RASAL1: variants seen among roughly 807,000 people sequenced by gnomAD.
The protein encoded by RASAL1 is rasGAP-activating-like protein 1.
In RASAL1, 72 loss-of-function variants were observed where a neutral mutation model predicts 96.6. That is an observed-to-expected ratio of 0.75 (90% CI 0.62 to 0.91). RASAL1 has a LOEUF of 0.91. Among genes scored for constraint, RASAL1 ranks in the 40% least tolerant of loss-of-function variants. The probability of loss-of-function intolerance (pLI) is 0.00; values close to 1 mark genes in which losing one functional copy is unlikely to be tolerated. For synonymous variants in RASAL1, 405 were observed against 430.4 expected (o/e 0.94, Z 0.73); for missense variants, 1,016 against 1,072.5 (o/e 0.95, Z 0.74).
chr12:113,102,481 C>T (rs181183595), intron 18 of RASAL1, among the ~76,000 whole-genome samples: 1 of 152,322 alleles, frequency 6.6e-6, no homozygotes, highest in African/African-American at 2.4e-5. Flanking sequence ...TCTCTTGAAC[C>T]TGGGAGGCAC....
At chr12:113,113,535 CCTT>C (rs1308984763) in intron 12 of RASAL1, among the ~76,000 whole-genome samples, 1 of 152,168 alleles carries the variant, frequency 6.6e-6, no homozygotes, top group African/African-American at 2.4e-5. Flanking sequence ...TGGACTGTGT[CCTT>C]CTGCTCAGGG....
intron 13 of RASAL1, among the ~76,000 whole-genome samples, chr12:113,110,678 G>C (rs1282430661): frequency 1.3e-5 from 2 of 152,194 alleles, no homozygotes; most frequent in African/African-American, 2.4e-5. Flanking sequence ...CCAGCACTTT[G>C]GGAGGCTGAG....
chr12:113,104,078 C>T lies in RASAL1; in HGVS notation c.1972G>A (p.Val658Met). 3 of 1,524,806 alleles carry T rather than the reference C, an allele frequency of 2.0e-6. No individual in the cohort carries two copies. The highest frequency in any genetic ancestry group is 2.7e-6 in the Non-Finnish European group (3 of 1,123,332). The allele number at this position is 1,524,806 out of a possible 1,614,324, so 94.5% of individuals were successfully genotyped here. A position where few individuals can be genotyped will look rare whatever the true frequency, so the allele number is the denominator to read the frequency against. Residue 658 changes from valine (V) to methionine (M), a missense_variant, in exon 18 of 21, where the codon GTG becomes ATG. Val to Met is a conservative substitution (Grantham distance 21). Transcript: ENST00000548055. ...GAGAGCCACTGGTTGAGCTCATTCACATTCTGCAGCGGGTGGGAGGCGATC... is the reference window on the plus strand; with the variant it reads ...GAGAGCCACTGGTTGAGCTCATTCATATTCTGCAGCGGGTGGGAGGCGATC... ...LHTTYLQCKN[V>M]NELNQWLSAL...
Position 113,130,355 on chromosome 12 carries a change from C to T in RASAL1, c.122+530G>A, listed in dbSNP as rs1278027547. Among the ~76,000 whole-genome samples, 7 of 152,180 alleles carry T rather than the reference C, an allele frequency of 4.6e-5. No homozygotes were observed. Among genetic ancestry groups the T allele is most frequent in the African/African-American group, 7.2e-5 (3 of 41,446 alleles). On this transcript the variant is annotated intron_variant, in intron 2 of 20. Transcript: ENST00000548055. The surrounding 1 kb of genome is among the most constrained non-coding windows in gnomAD (Gnocchi z 5.1). ...TGCATGTGCAGGGCAGCCATGTGCA[C>T]GTGCATGTACATGCACCCTACACTG...
intron 3 of RASAL1, 61 bp downstream of exon 3, chr12:113,128,004 C>G (rs1951555859): frequency 6.4e-7 from 1 of 1,571,552 alleles, no homozygotes; most frequent in South Asian, 1.1e-5. Flanking sequence ...CATCCCCTCT[C>G]CCCTCAGGTG....
rs1348300615 is a variant in RASAL1, at chr12:113,129,166, A to G, written c.123-988T>C. Among the ~76,000 whole-genome samples, 1 of 152,204 alleles carries G rather than the reference A, an allele frequency of 6.6e-6. No homozygotes were observed. The highest frequency in any genetic ancestry group is 1.9e-4 in the East Asian group (1 of 5,196). ...GGCGCTCTCTCCCAGCAATTAGGAC[A>G]TGGTGGGAGAAGTCCTGGGATTGGG... On this transcript the variant is annotated intron_variant, in intron 2 of 20. Transcript: ENST00000548055. The surrounding 1 kb of genome is among the most constrained non-coding windows in gnomAD (Gnocchi z 5.0).
chr12:113,111,366 C>CT (rs1566046713), intron 13 of RASAL1, among the ~76,000 whole-genome samples: 1 of 152,130 alleles, frequency 6.6e-6, no homozygotes, highest in Non-Finnish European at 1.5e-5. Context: ...AGGAGCCAGC[C>CT]TGCCTGGGTG....
intron 20 of RASAL1, 111 bp from the exon 21 acceptor site, chr12:113,100,179 T>C (rs1485371782): frequency 7.9e-6 from 10 of 1,271,528 alleles, no homozygotes; most frequent in Non-Finnish European, 1.1e-5. Flanking sequence ...CTGAGAACCC[T>C]AAAATCCTTG....
At chr12:113,117,995 G>A (rs757907042) in intron 7 of RASAL1, among the ~76,000 whole-genome samples, 4 of 152,110 alleles carry the variant, frequency 2.6e-5, no homozygotes, top group Non-Finnish European at 4.4e-5. Context: ...AGGATGAGGC[G>A]GGCAGATCAC....
At position 113,135,660 on chromosome 12, in the gene RASAL1, C is replaced by T; in HGVS notation, c.-198G>A. 1 of 539,258 alleles carries T rather than the reference C, an allele frequency of 1.9e-6. No individual in the cohort carries two copies. The allele number at this position is 539,258 out of a possible 1,614,324, so 33.4% of individuals were successfully genotyped here. A position where few individuals can be genotyped will look rare whatever the true frequency, so the allele number is the denominator to read the frequency against. ...GGTGCCCGGGGAGGGAGCGCCCGTC[C>T]GGACTCTACAGGTAGGAGCCGTGCT... is the stretch of plus-strand genomic sequence containing the variant. On this transcript the variant is annotated 5_prime_UTR_variant, in exon 1 of 21. Coordinates refer to ENST00000548055, the MANE Select transcript of RASAL1 (RefSeq NM_001301202.2). This position sits in a 1 kb window ranked among gnomAD's most constrained non-coding sequence, Gnocchi z 5.7.
At position 113,130,357 on chromosome 12, in the gene RASAL1, T is replaced by G. The variant is rs547751390; in HGVS notation, c.122+528A>C. 7.9e-5 allele frequency among the ~76,000 whole-genome samples: 12 copies of G among 152,296 alleles called. No individual in the cohort carries two copies. The South Asian group carries it at 2.5e-3, about 32-fold the overall frequency. On this transcript the variant is annotated intron_variant, in intron 2 of 20. Coordinates refer to ENST00000548055, the MANE Select transcript of RASAL1 (RefSeq NM_001301202.2). This position sits in a 1 kb window ranked among gnomAD's most constrained non-coding sequence, Gnocchi z 5.1. ...CATGTGCAGGGCAGCCATGTGCACG[T>G]GCATGTACATGCACCCTACACTGGT...
rs1006094876 is a variant in RASAL1, at chr12:113,130,603, G to A, written c.122+282C>T. On this transcript the variant is annotated intron_variant, in intron 2 of 20. Coordinates refer to ENST00000548055, the MANE Select transcript of RASAL1 (RefSeq NM_001301202.2). The surrounding 1 kb of genome is among the most constrained non-coding windows in gnomAD (Gnocchi z 5.1). Reference sequence around the variant, plus strand: ...GGAACCAACCAGTCCAGCCAAGCGTGAGATGCCCGCCCCCAGGGAGGCCAC... The same window carrying A: ...GGAACCAACCAGTCCAGCCAAGCGTAAGATGCCCGCCCCCAGGGAGGCCAC... Among the ~76,000 whole-genome samples, 4 of 152,182 alleles carry A rather than the reference G, an allele frequency of 2.6e-5. No individual in the cohort carries two copies. Among genetic ancestry groups the A allele is most frequent in the African/African-American group, 9.7e-5 (4 of 41,442 alleles).
In RASAL1 at chr12:113,130,964, G is replaced by C. The variant is rs370491950; in HGVS notation, c.66-23C>G. On this transcript the variant is annotated intron_variant, in intron 1 of 20. Coordinates refer to ENST00000548055, the MANE Select transcript of RASAL1 (RefSeq NM_001301202.2). This position sits in a 1 kb window ranked among gnomAD's most constrained non-coding sequence, Gnocchi z 5.1. Reference sequence around the variant, plus strand: ...GACCTGCAGAAGGAGGGAGTTCAGGGAGGAAGCAGGTTGAGAGGGCAGCCA... The same window carrying C: ...GACCTGCAGAAGGAGGGAGTTCAGGCAGGAAGCAGGTTGAGAGGGCAGCCA... The C allele has an allele frequency of 6.2e-7, 1 of 1,607,020 alleles. No individual in the cohort carries two copies. Among genetic ancestry groups the C allele is most frequent in the Non-Finnish European group, 8.5e-7 (1 of 1,174,820 alleles).
rs542501493 is a variant in RASAL1, at chr12:113,129,067, C to G, written c.123-889G>C. Among the ~76,000 whole-genome samples, 206 of 152,208 alleles carry G rather than the reference C, an allele frequency of 1.4e-3. No individual in the cohort carries two copies. Among genetic ancestry groups the G allele is most frequent in the Middle Eastern group, 3.4e-3 (1 of 294 alleles). On this transcript the variant is annotated intron_variant, in intron 2 of 20. Transcript: ENST00000548055. The surrounding 1 kb of genome is among the most constrained non-coding windows in gnomAD (Gnocchi z 5.0). ...ACATTCACTTGGACTATGGGCCCAG[C>G]CTGTGCTGGGCTCCAGGGATCAGAG...
Position 113,114,735 on chromosome 12 carries a change from C to T in RASAL1, c.1181+65G>A. On this transcript the variant is annotated intron_variant, in intron 12 of 20. Transcript: ENST00000548055. ...GTGGCAGTCAGCATGAACCCAGCCC[C>T]CAGACAAGGCTCCGGGTAGCCAAAG... 2.8e-6 allele frequency: 4 copies of T among 1,419,924 alleles called. No individual in the cohort carries two copies. In the South Asian group the frequency reaches 3.5e-5, roughly 12 times the overall value. 88.0% of individuals were successfully genotyped at this position (1,419,924 alleles called of 1,614,324 possible). A position where few individuals can be genotyped will look rare whatever the true frequency, so the allele number is the denominator to read the frequency against.
chr12:113,135,766 A>T, upstream of RASAL1: 1 of 144,840 alleles, frequency 6.9e-6, no homozygotes, highest in African/African-American at 3.3e-5. The surrounding 1 kb of genome is among the most constrained non-coding windows in gnomAD (Gnocchi z 5.7). Flanking sequence ...CTGGGCGGGC[A>T]GGGGGCGGGA....
At chr12:113,125,335 A>G (rs542821001) in intron 4 of RASAL1, among the ~76,000 whole-genome samples, 1 of 152,326 alleles carries the variant, frequency 6.6e-6, no homozygotes, top group East Asian at 1.9e-4. Context: ...AAATGGAGAA[A>G]AAATATTGCA....
At chr12:113,112,954 A>AAAATAAATAAATAAATAAAT (rs3038168) in intron 12 of RASAL1, among the ~76,000 whole-genome samples, 195 of 149,610 alleles carry the variant, frequency 1.3e-3, no homozygotes, top group African/African-American at 4.4e-3. Context: ...TCCATCTCAA[A>AAAATAAATAAATAAATAAAT]AAATAAATAA....
chr12:113,129,574 T>A lies in RASAL1; in HGVS notation c.122+1311A>T, dbSNP rs1025713745. Among the ~76,000 whole-genome samples, 1 of 152,204 alleles carries A rather than the reference T, an allele frequency of 6.6e-6. No individual in the cohort carries two copies. Among genetic ancestry groups the A allele is most frequent in the Non-Finnish European group, 1.5e-5 (1 of 68,026 alleles). On this transcript the variant is annotated intron_variant, in intron 2 of 20. Coordinates refer to ENST00000548055, the MANE Select transcript of RASAL1 (RefSeq NM_001301202.2). This position sits in a 1 kb window ranked among gnomAD's most constrained non-coding sequence, Gnocchi z 5.0. Reference sequence around the variant, plus strand: ...ACATCCCTGCAGGGGTACTTCCCTTTACCCAGCAGAGAACAGATTCTACTT... The same window carrying A: ...ACATCCCTGCAGGGGTACTTCCCTTAACCCAGCAGAGAACAGATTCTACTT...
Sources: allele counts gnomAD v4.1 joint callset (sites outside exome capture counted in the v4.1 genomes callset), GRCh38; gene constraint gnomAD v4.1.1; non-coding constraint Gnocchi (gnomAD v3.1); transcripts MANE v1.5; gene names NCBI Gene and HGNC (gene_info 2026-07-23, HGNC 2026-07-21).